Variants in JAZF1 observed in about 807,000 individuals in gnomAD.
The protein encoded by JAZF1 is juxtaposed with another zinc finger protein 1.
In JAZF1, 8 loss-of-function variants were observed where a neutral mutation model predicts 26.4. The ratio of observed to expected loss-of-function variants is 0.30; its 90% confidence interval spans 0.18 to 0.55. JAZF1 has a LOEUF of 0.55. Ranked by LOEUF, JAZF1 falls within the 20% of genes least tolerant of loss-of-function variation. The pLI is 0.94. For missense variants in JAZF1, 199 were observed against 322.0 expected (o/e 0.62, Z 2.92); for synonymous variants, 126 against 122.3 (o/e 1.03, Z -0.20).
chr7:27,945,411 G>A (rs1784911585), intron 2 of JAZF1, among the ~76,000 whole-genome samples: 1 of 152,152 alleles, frequency 6.6e-6, no homozygotes, highest in Admixed American at 6.5e-5. Flanking sequence ...ACCTTGGTGT[G>A]GGCCAGCAGG....
intron 1 of JAZF1, among the ~76,000 whole-genome samples, chr7:28,170,092 C>T (rs1318051035): frequency 6.6e-6 from 1 of 151,698 alleles, no homozygotes; most frequent in Non-Finnish European, 1.5e-5. Context: ...TACAGTTGGG[C>T]CCCATATGTA....
intron 2 of JAZF1, among the ~76,000 whole-genome samples, chr7:27,936,614 G>C (rs921736039): frequency 6.6e-6 from 1 of 152,144 alleles, no homozygotes; most frequent in East Asian, 1.9e-4. Context: ...CAAACTCAGG[G>C]ACAAAGTATT....
chr7:28,028,428 T>A (rs1205609501), intron 1 of JAZF1, among the ~76,000 whole-genome samples: 1 of 152,238 alleles, frequency 6.6e-6, no homozygotes, highest in Non-Finnish European at 1.5e-5. Context: ...TTAAGGGTCA[T>A]GTAGCACTAA....
At chr7:27,971,933 T>C (rs79644496) in intron 2 of JAZF1, among the ~76,000 whole-genome samples, 1 of 152,200 alleles carries the variant, frequency 6.6e-6, no homozygotes, top group African/African-American at 2.4e-5. Flanking sequence ...TATACACACA[T>C]GTAAAACTGT....
chr7:28,042,758 C>T (rs569624781), intron 1 of JAZF1, among the ~76,000 whole-genome samples: 2 of 152,202 alleles, frequency 1.3e-5, no homozygotes, highest in African/African-American at 4.8e-5. Flanking sequence ...TTATAATCAC[C>T]TACAGTATTC....
intron 1 of JAZF1, among the ~76,000 whole-genome samples, chr7:28,162,236 G>A (rs577796136): frequency 6.6e-6 from 1 of 152,322 alleles, no homozygotes; most frequent in South Asian, 2.1e-4. Context: ...ATGCCCCAGT[G>A]CCTTTGCAGT....
rs1413598877 is a variant in JAZF1 at position 28,013,732 on chromosome 7, TC to T, written c.116-21752del. On this transcript the variant is annotated intron_variant, in intron 1 of 4. Coordinates refer to ENST00000283928, the MANE Select transcript of JAZF1 (RefSeq NM_175061.4). ...GACATCACAAGGAGGGGTCCACAGG[TC>T]TTTAATCCTATCTGATTGCTGGCCA... Among the ~76,000 whole-genome samples the T allele has an allele frequency of 3.9e-5, 6 of 152,186 alleles. No individual in the cohort carries two copies. The South Asian group carries it at 8.3e-4, about 21-fold the overall frequency.
At chr7:27,985,273 C>T (rs1376609506) in intron 2 of JAZF1, among the ~76,000 whole-genome samples, 1 of 152,152 alleles carries the variant, frequency 6.6e-6, no homozygotes, top group Non-Finnish European at 1.5e-5. Context: ...AAGGGAATAT[C>T]ACCACCAATC....
At chr7:28,157,692 C>A (rs1783209326) in intron 1 of JAZF1, among the ~76,000 whole-genome samples, 1 of 152,138 alleles carries the variant, frequency 6.6e-6, no homozygotes, top group South Asian at 2.1e-4. Context: ...GAACCACAGT[C>A]TACTTCCATT....
chr7:27,912,665 G>T (rs777590864), intron 2 of JAZF1, among the ~76,000 whole-genome samples: 7 of 152,280 alleles, frequency 4.6e-5, no homozygotes, highest in Middle Eastern at 6.8e-3. Context: ...GTTCTGAAAA[G>T]CCAATTAAGA....
intron 1 of JAZF1, among the ~76,000 whole-genome samples, chr7:28,063,740 G>A (rs576477906): frequency 2.0e-5 from 3 of 152,124 alleles, no homozygotes; most frequent in Middle Eastern, 6.8e-3. Context: ...CGTGTTTCTT[G>A]GTAATAGAAA....
intron 1 of JAZF1, among the ~76,000 whole-genome samples, chr7:28,021,093 G>A (rs1782999170): frequency 6.6e-6 from 1 of 152,164 alleles, no homozygotes; most frequent in Admixed American, 6.5e-5. Context: ...GCACCTCAGA[G>A]GGCCCACGGT....
chr7:28,095,544 G>A (rs973965408), intron 1 of JAZF1, among the ~76,000 whole-genome samples: 17 of 152,268 alleles, frequency 1.1e-4, no homozygotes, highest in South Asian at 6.2e-4. Flanking sequence ...CCTTTGACAC[G>A]TGGGGATTAT....
At chr7:28,120,921 T>C (rs1197854361) in intron 1 of JAZF1, among the ~76,000 whole-genome samples, 2 of 152,094 alleles carry the variant, frequency 1.3e-5, no homozygotes, top group Admixed American at 6.6e-5. Flanking sequence ...GGGGTTCCAC[T>C]GGGCATGGTG....
intron 1 of JAZF1, among the ~76,000 whole-genome samples, chr7:28,122,853 T>A (rs558790034): frequency 4.6e-5 from 7 of 152,244 alleles, no homozygotes; most frequent in African/African-American, 1.7e-4. Flanking sequence ...CAGAGAAGTA[T>A]AAAATTCCAT....
chr7:27,846,394 T>C (rs1249151745), intron 3 of JAZF1: 3 of 442,814 alleles, frequency 6.8e-6, no homozygotes, highest in South Asian at 1.7e-5. Flanking sequence ...TATATATACA[T>C]ATACGTATAC....
At chr7:27,868,616 A>G (rs1181106699) in intron 3 of JAZF1, among the ~76,000 whole-genome samples, 4 of 152,130 alleles carry the variant, frequency 2.6e-5, no homozygotes, top group African/African-American at 9.7e-5. Flanking sequence ...GACACAGTGG[A>G]CTTCAAAAGT....
intron 1 of JAZF1, among the ~76,000 whole-genome samples, chr7:28,159,108 A>G (rs1407054753): frequency 6.6e-6 from 1 of 152,144 alleles, no homozygotes; most frequent in East Asian, 1.9e-4. Context: ...AGTTTTATGA[A>G]AAGACATAAC....
At chr7:27,877,328 A>G (rs572147938) in intron 3 of JAZF1, among the ~76,000 whole-genome samples, 2 of 152,312 alleles carry the variant, frequency 1.3e-5, no homozygotes, top group South Asian at 4.1e-4. Context: ...TACATAAAAC[A>G]TTTTCAGCTT....
Sources: gnomAD v4.1 joint callset for allele counts (sites outside exome capture counted in the v4.1 genomes callset) on GRCh38, gnomAD v4.1.1 for gene constraint, MANE v1.5 for transcripts, NCBI Gene and HGNC (gene_info 2026-07-23, HGNC 2026-07-21) for gene names.